Variants in SYNE1 observed in about 807,000 individuals in gnomAD.
The protein encoded by SYNE1 is spectrin repeat containing nuclear envelope protein 1.
SYNE1 carries 616 observed loss-of-function variants against 1,111.0 expected under a neutral mutation model. The observed-to-expected ratio is 0.55, with a 90% CI of 0.52 to 0.59. SYNE1 has a LOEUF of 0.59. Among genes scored for constraint, SYNE1 ranks in the 20% least tolerant of loss-of-function variants. The pLI is 0.00. For missense variants in SYNE1, 10,006 were observed against 10,417.0 expected (o/e 0.96, Z 1.72); for synonymous variants, 3,855 against 3,825.8 (o/e 1.01, Z -0.28).
intron 131 of SYNE1, among the ~76,000 whole-genome samples, chr6:152,156,772 T>A (rs6937954): frequency 0.18 from 27,832 of 151,740 alleles, 2,657 homozygotes; most frequent in African/African-American, 0.23. Context: ...ACCAAGGGCC[T>A]GTATATATGC....
intron 101 of SYNE1, among the ~76,000 whole-genome samples, chr6:152,261,373 C>T (rs1158929940): frequency 6.6e-6 from 1 of 152,152 alleles, no homozygotes; most frequent in African/African-American, 2.4e-5. Flanking sequence ...TCCAGTTGTT[C>T]CCTGGCTTCT....
intron 3 of SYNE1, among the ~76,000 whole-genome samples, chr6:152,592,480 T>C (rs2099569848): frequency 6.6e-6 from 1 of 152,170 alleles, no homozygotes; most frequent in Non-Finnish European, 1.5e-5. Flanking sequence ...AACCAAATAC[T>C]GCATGTTTTC....
chr6:152,407,387 C>T (rs2097916748), intron 44 of SYNE1, among the ~76,000 whole-genome samples, 191 bp from the exon 45 acceptor site: 1 of 152,152 alleles, frequency 6.6e-6, no homozygotes, highest in African/African-American at 2.4e-5. Context: ...TTGCTTCTGT[C>T]ATTGGGAGAG....
chr6:152,192,928 T>C (rs2072964820), intron 127 of SYNE1, among the ~76,000 whole-genome samples: 1 of 152,138 alleles, frequency 6.6e-6, no homozygotes, highest in Admixed American at 6.6e-5. Context: ...TCGTTTTCCA[T>C]CCCTTTATTT....
At chr6:152,150,104 A>G (rs1005947274) in intron 135 of SYNE1, among the ~76,000 whole-genome samples, 1 of 152,248 alleles carries the variant, frequency 6.6e-6, no homozygotes, top group Non-Finnish European at 1.5e-5. Context: ...TATGTCAAAC[A>G]TGACTAAGAG....
intron 145 of SYNE1, chr6:152,126,527 A>T (rs1303437744): frequency 6.6e-6 from 1 of 152,182 alleles, no homozygotes; most frequent in African/African-American, 2.4e-5. Context: ...GGAAAAATTA[A>T]ATGTGTGAGC....
At chr6:152,551,821 G>A (rs1164425066) in intron 3 of SYNE1, among the ~76,000 whole-genome samples, 1 of 152,158 alleles carries the variant, frequency 6.6e-6, no homozygotes, top group Non-Finnish European at 1.5e-5. Context: ...TGGATGAAAG[G>A]TTATTTCCAA....
Position 152,451,064 on chromosome 6 carries a change from T to C in SYNE1, c.3169A>G (p.Ile1057Val), listed in dbSNP as rs760590130. ...KLMPQEGSEKIIKEHRVFFSD... is the reference protein window; with the variant it reads ...KLMPQEGSEKVIKEHRVFFSD... ...AGACGTACCCTGTGCTCTTTAATTA[T>C]CTTTTCACTGCCTTCCTGGGGCATC... The change falls in exon 26 of 146, where the codon ATA becomes GTA. Residue 1057 changes from isoleucine (I) to valine (V), a missense_variant. By Grantham distance (29) the Ile-to-Val change is conservative. Coordinates refer to ENST00000367255, the MANE Select transcript of SYNE1 (RefSeq NM_182961.4). 2 of 1,614,190 alleles carry C rather than the reference T, an allele frequency of 1.2e-6. No homozygotes were observed. Among genetic ancestry groups the C allele is most frequent in the Non-Finnish European group, 1.7e-6 (2 of 1,180,036 alleles).
At chr6:152,122,769 C>A in intron 145 of SYNE1, 93 bp from the exon 146 acceptor site, 1 of 1,589,212 alleles carries the variant, frequency 6.3e-7, no homozygotes, top group Non-Finnish European at 8.5e-7. Flanking sequence ...GCTAAAGGGC[C>A]ATGCCAAGCA....
At chr6:152,326,732 T>C in intron 78 of SYNE1, 99 bp from the exon 79 acceptor site, 1 of 1,119,372 alleles carries the variant, frequency 8.9e-7, no homozygotes, top group South Asian at 1.3e-5. Context: ...CTTAGTCTCA[T>C]GGGCGTATGT....
At chr6:152,479,525 C>T (rs1036972228) in intron 14 of SYNE1, among the ~76,000 whole-genome samples, 59 of 152,282 alleles carry the variant, frequency 3.9e-4, no homozygotes, top group African/African-American at 1.3e-3. Context: ...CAACCTGGCT[C>T]ATCAGCTATG....
At chr6:152,539,877 C>T in intron 4 of SYNE1, 83 bp downstream of exon 4, 1 of 1,414,398 alleles carries the variant, frequency 7.1e-7, no homozygotes, top group Non-Finnish European at 1.0e-6. Context: ...ACAACAGGGA[C>T]AGAAGCATTT....
chr6:152,177,229 T>C (rs2066684533), intron 129 of SYNE1, among the ~76,000 whole-genome samples: 1 of 152,148 alleles, frequency 6.6e-6, no homozygotes, highest in African/African-American at 2.4e-5. Flanking sequence ...TTCTCTTAGA[T>C]TGTTTGAGTT....
At chr6:152,622,765 C>T (rs561971245) in intron 3 of SYNE1, among the ~76,000 whole-genome samples, 16 of 152,084 alleles carry the variant, frequency 1.1e-4, no homozygotes, top group African/African-American at 2.9e-4. Flanking sequence ...GATTTATATT[C>T]CTTTGGGTAT....
intron 61 of SYNE1, 90 bp downstream of exon 61, chr6:152,368,882 A>T (rs1288158204): frequency 6.4e-7 from 1 of 1,566,706 alleles, no homozygotes; most frequent in East Asian, 2.2e-5. Context: ...TGGGCGGGTC[A>T]GGATGCAATG....
rs145418814 is a variant in SYNE1, at chr6:152,287,287, T to C, written c.18013-3115A>G. Reference sequence around the variant, plus strand: ...TGAAAATTCTTCTTTTTTTCACCCATTGTTTTGCAGTGTAATCTTTGCCAC... The same window carrying C: ...TGAAAATTCTTCTTTTTTTCACCCACTGTTTTGCAGTGTAATCTTTGCCAC... On this transcript the variant is annotated intron_variant, in intron 95 of 145. Transcript: ENST00000367255. 9.8e-4 allele frequency among the ~76,000 whole-genome samples: 149 copies of C among 152,246 alleles called. 1 individual carries two copies. The highest frequency in any genetic ancestry group is 3.5e-3 in the African/African-American group (144 of 41,538).
intron 121 of SYNE1, among the ~76,000 whole-genome samples, chr6:152,215,761 T>C (rs1362691835): frequency 2.6e-5 from 4 of 152,200 alleles, no homozygotes; most frequent in Non-Finnish European, 4.4e-5. Context: ...GCTGCTATTC[T>C]CTCTTTACAA....
chr6:152,460,499 T>C (rs538015018), intron 21 of SYNE1, among the ~76,000 whole-genome samples: 1 of 152,294 alleles, frequency 6.6e-6, no homozygotes, highest in South Asian at 2.1e-4. Context: ...TTTCTACCTT[T>C]CTTTCCTATT....
chr6:152,242,204 T>G lies in SYNE1; in HGVS notation c.19893+36A>C, dbSNP rs373120890. 1,933 of 1,564,486 alleles carry G rather than the reference T, an allele frequency of 1.2e-3. 2 individuals are homozygous for G. Among genetic ancestry groups the G allele is most frequent in the Middle Eastern group, 1.9e-3 (11 of 5,852 alleles). On this transcript the variant is annotated intron_variant, in intron 107 of 145. Transcript: ENST00000367255. ...AGGGTTTGAGAGCATGCTTTCCAAT[T>G]ACATTTTCTCTCTATCACTCTTTTT... is the stretch of plus-strand genomic sequence containing the variant.
Sources: gnomAD v4.1 joint callset for allele counts (sites outside exome capture counted in the v4.1 genomes callset) on GRCh38, gnomAD v4.1.1 for gene constraint, MANE v1.5 for transcripts, NCBI Gene and HGNC (gene_info 2026-07-23, HGNC 2026-07-21) for gene names.